The following MYO1B variants were observed in gnomAD, a reference collection of about 807,000 sequenced individuals.
The protein encoded by MYO1B is myosin IB, also known as unconventional myosin-Ib.
MYO1B carries 72 observed loss-of-function variants against 159.7 expected under a neutral mutation model. The observed-to-expected ratio is 0.45, with a 90% CI of 0.37 to 0.55. MYO1B has a LOEUF of 0.55. MYO1B is among the 20% of genes least tolerant of loss of function. The pLI, the probability that MYO1B is intolerant of heterozygous loss-of-function variation, is 0.00. For missense variants in MYO1B, 1,062 were observed against 1,364.8 expected (o/e 0.78, Z 3.50); for synonymous variants, 468 against 473.8 (o/e 0.99, Z 0.16).
At chr2:191,399,034 C>G (rs1169518502) in intron 21 of MYO1B, among the ~76,000 whole-genome samples, 1 of 152,214 alleles carries the variant, frequency 6.6e-6, no homozygotes, top group African/African-American at 2.4e-5. Flanking sequence ...GAGGCCGAGG[C>G]TGGCGGATCA....
At chr2:191,418,479 T>G (rs1697714669) in intron 30 of MYO1B, among the ~76,000 whole-genome samples, 1 of 127,442 alleles carries the variant, frequency 7.8e-6, no homozygotes, top group Non-Finnish European at 1.6e-5. Flanking sequence ...TACTCTTTAG[T>G]GGATTTTTTT....
At chr2:191,379,175 A>G (rs1047237370) in intron 13 of MYO1B, 5 of 152,688 alleles carry the variant, frequency 3.3e-5, no homozygotes, top group African/African-American at 9.6e-5. Context: ...ATTTGTAACC[A>G]TGAATAACTA....
chr2:191,380,181 A>G (rs1050564477), intron 13 of MYO1B, among the ~76,000 whole-genome samples: 2 of 152,234 alleles, frequency 1.3e-5, no homozygotes, highest in Non-Finnish European at 2.9e-5. Context: ...ACTTCCAGGA[A>G]AGAATGTAGT....
rs1697552544 is a variant in MYO1B at position 191,416,201 on chromosome 2, CA to C, written c.3247del (p.Ser1083AlafsTer26). The C allele has an allele frequency of 6.2e-7, 1 of 1,614,060 alleles. No homozygotes were observed. The highest frequency in any genetic ancestry group is 8.5e-7 in the Non-Finnish European group (1 of 1,180,036). Reference sequence around the variant, plus strand: ...CCACCAAGCTCTATCGCACAACTCTCAGCCAAACCAAACAGAAGCTCAATAT... The same window carrying C: ...CCACCAAGCTCTATCGCACAACTCTCGCCAAACCAAACAGAAGCTCAATAT... The part of the protein sequence containing the change: ...MATKLYRTTL[S>X]QTKQKLNIEI... On this transcript the variant is annotated frameshift_variant, in exon 30 of 31. Coordinates refer to ENST00000392318, the MANE Select transcript of MYO1B (RefSeq NM_001130158.3). LOFTEE classifies it high-confidence loss of function.
intron 15 of MYO1B, among the ~76,000 whole-genome samples, 167 bp downstream of exon 15, chr2:191,383,509 T>TATATAC (rs1695205153): frequency 1.9e-5 from 2 of 105,994 alleles, no homozygotes; most frequent in South Asian, 3.2e-4. Flanking sequence ...TATATATATA[T>TATATAC]ACACGTACAC....
intron 26 of MYO1B, among the ~76,000 whole-genome samples, 155 bp downstream of exon 26, chr2:191,409,333 T>C (rs567044821): frequency 5.9e-5 from 9 of 152,358 alleles, no homozygotes; most frequent in Admixed American, 4.6e-4. Flanking sequence ...CCATATTGAG[T>C]TTCTACGAGA....
intron 3 of MYO1B, among the ~76,000 whole-genome samples, chr2:191,301,084 C>T (rs777742389): frequency 3.3e-5 from 5 of 152,118 alleles, no homozygotes; most frequent in Admixed American, 2.0e-4. Flanking sequence ...GTCCCCGTTA[C>T]GTGTGAAGCC....
chr2:191,270,328 GT>G (rs1317596364), intron 1 of MYO1B, among the ~76,000 whole-genome samples: 1 of 152,064 alleles, frequency 6.6e-6, no homozygotes, highest in Non-Finnish European at 1.5e-5. Flanking sequence ...ATATTTTCTA[GT>G]TTTTTTCTAT....
At chr2:191,398,693 C>T (rs1319219121) in intron 21 of MYO1B, among the ~76,000 whole-genome samples, 2 of 151,812 alleles carry the variant, frequency 1.3e-5, no homozygotes, top group African/African-American at 4.8e-5. Context: ...ATGCTCCTCA[C>T]TTCCTAGATG....
chr2:191,278,975 C>T (rs1222731867), intron 2 of MYO1B, among the ~76,000 whole-genome samples: 2 of 152,162 alleles, frequency 1.3e-5, no homozygotes, highest in Admixed American at 6.5e-5. Context: ...TAGAACATTA[C>T]GTGCATTCAA....
At chr2:191,319,121 G>A (rs1690540084) in intron 3 of MYO1B, among the ~76,000 whole-genome samples, 1 of 152,168 alleles carries the variant, frequency 6.6e-6, no homozygotes, top group South Asian at 2.1e-4. Flanking sequence ...CCATTCTTGT[G>A]TGACTACTTT....
chr2:191,277,877 T>G (rs1687841248), intron 2 of MYO1B, among the ~76,000 whole-genome samples: 1 of 152,234 alleles, frequency 6.6e-6, no homozygotes, highest in Non-Finnish European at 1.5e-5. Flanking sequence ...CATCTGTGCA[T>G]GGAGAAGAAC....
chr2:191,304,996 G>T (rs1396006199), intron 3 of MYO1B, among the ~76,000 whole-genome samples: 1 of 152,168 alleles, frequency 6.6e-6, no homozygotes, highest in Non-Finnish European at 1.5e-5. Flanking sequence ...CCAAGATGTG[G>T]CTGACCTTTG....
At chr2:191,349,340 A>G (rs1692768299) in intron 6 of MYO1B, among the ~76,000 whole-genome samples, 1 of 152,232 alleles carries the variant, frequency 6.6e-6, no homozygotes, top group South Asian at 2.1e-4. Flanking sequence ...GTTCCATGTG[A>G]TTGTATTTCT....
At chr2:191,372,796 C>G (rs1404617950) in intron 13 of MYO1B, among the ~76,000 whole-genome samples, 1 of 151,862 alleles carries the variant, frequency 6.6e-6, no homozygotes, top group Non-Finnish European at 1.5e-5. Context: ...AATGTGCCCT[C>G]CTTCTGCAAG....
intron 4 of MYO1B, among the ~76,000 whole-genome samples, chr2:191,330,342 A>C (rs1158106104): frequency 2.0e-5 from 3 of 152,202 alleles, no homozygotes; most frequent in Non-Finnish European, 2.9e-5. Flanking sequence ...TTACAGATTC[A>C]AACTGCTTCC....
chr2:191,398,584 C>T (rs1248673030), intron 21 of MYO1B, among the ~76,000 whole-genome samples: 1 of 151,366 alleles, frequency 6.6e-6, no homozygotes, highest in African/African-American at 2.4e-5. Context: ...CCTCACCTCC[C>T]AGACAGGGTT....
chr2:191,320,868 G>A lies in MYO1B; in HGVS notation c.252-9067G>A, dbSNP rs551431736. On this transcript the variant is annotated intron_variant, in intron 3 of 30. Transcript: ENST00000392318. ...ATTAAAAAAAAAAATCAGACAGTAT[G>A]TACTTGGGGTTCCAGTTCAAATGGC... 2.0e-5 allele frequency among the ~76,000 whole-genome samples: 3 copies of A among 152,020 alleles called. No individual in the cohort carries two copies. The East Asian group carries it at 5.8e-4, about 29-fold the overall frequency.
At chr2:191,379,744 T>C (rs1694931701) in intron 13 of MYO1B, among the ~76,000 whole-genome samples, 1 of 152,202 alleles carries the variant, frequency 6.6e-6, no homozygotes, top group African/African-American at 2.4e-5. Context: ...TACTTTTACT[T>C]ATAGGTTTTA....
Sources: gnomAD v4.1 joint callset for allele counts (sites outside exome capture counted in the v4.1 genomes callset) on GRCh38, gnomAD v4.1.1 for gene constraint, MANE v1.5 for transcripts, NCBI Gene and HGNC (gene_info 2026-07-23, HGNC 2026-07-21) for gene names.